Variants in MOB1A observed in about 807,000 individuals in gnomAD.
MOB1A encodes the protein MOB1 Mps One Binder homolog A.
Under a neutral mutation model 25.1 loss-of-function variants are expected in MOB1A, and 10 were observed. That is an observed-to-expected ratio of 0.40 (90% CI 0.25 to 0.68). MOB1A has a LOEUF of 0.68. Among genes scored for constraint, MOB1A ranks in the 30% least tolerant of loss-of-function variants. The pLI is 0.40. For missense variants in MOB1A, 177 were observed against 256.3 expected (o/e 0.69, Z 2.11); for synonymous variants, 81 against 79.5 (o/e 1.02, Z -0.10).
Position 74,158,988 on chromosome 2 carries a change from A to C in MOB1A, c.573+103T>G, listed in dbSNP as rs1421209781. 3.6e-6 allele frequency: 4 copies of C among 1,097,218 alleles called. No individual in the cohort carries two copies. In the Admixed American group the frequency reaches 9.0e-5, roughly 25 times the overall value. 68.0% of individuals were successfully genotyped at this position (1,097,218 alleles called of 1,614,324 possible). On this transcript the variant is annotated intron_variant, in intron 5 of 5. Transcript: ENST00000396049. The stretch of plus-strand genomic sequence containing the variant: ...AACAGAAAAGAGAAGCTTGCCTGTA[A>C]TTGGCTCTACATCTATAACTAAGAC...
intron 2 of MOB1A, among the ~76,000 whole-genome samples, chr2:74,170,940 C>T (rs773161144): frequency 6.6e-6 from 1 of 151,646 alleles, no homozygotes; most frequent in African/African-American, 2.4e-5. Context: ...CTCTTTGGAT[C>T]CTGATTTAAA....
chr2:74,157,789 G>A (rs1449661896), intron 5 of MOB1A, among the ~76,000 whole-genome samples: 1 of 152,106 alleles, frequency 6.6e-6, no homozygotes, highest in African/African-American at 2.4e-5. Context: ...TTTTTACAAT[G>A]GGAGACTTAT....
chr2:74,159,442 T>A (rs3762480), intron 4 of MOB1A, among the ~76,000 whole-genome samples, 188 bp from the exon 5 acceptor site: 1 of 151,816 alleles, frequency 6.6e-6, no homozygotes, highest in Non-Finnish European at 1.5e-5. Context: ...CACGCCACCA[T>A]GCCCAGCTAA....
At chr2:74,163,253 T>C (rs376242289) in intron 4 of MOB1A, among the ~76,000 whole-genome samples, 8 of 152,304 alleles carry the variant, frequency 5.3e-5, no homozygotes, top group East Asian at 1.9e-4. Flanking sequence ...TATCTTAATA[T>C]GACACAGTTG....
chr2:74,169,966 A>T (rs541766298), intron 2 of MOB1A, among the ~76,000 whole-genome samples: 1 of 151,934 alleles, frequency 6.6e-6, no homozygotes, highest in South Asian at 2.1e-4. Flanking sequence ...AATGGTACAT[A>T]TTTATGGGAA....
At chr2:74,167,422 G>T (rs1476289352) in intron 2 of MOB1A, among the ~76,000 whole-genome samples, 3 of 151,952 alleles carry the variant, frequency 2.0e-5, no homozygotes, top group Non-Finnish European at 2.9e-5. Context: ...ATTTTGTTTT[G>T]GTATTTTTAG....
In MOB1A at chr2:74,153,030, T is replaced by C. The variant is rs781729814; in HGVS notation, c.*3538A>G. ...ATAGGATGACCAAAGGACTACTATT[T>C]TACCTCTTTTCAGAACTCTACAATA... On this transcript the variant is annotated 3_prime_UTR_variant, in exon 6 of 6. Coordinates refer to ENST00000396049, the MANE Select transcript of MOB1A (RefSeq NM_018221.5). 1 of 152,214 alleles carries C rather than the reference T, an allele frequency of 6.6e-6. No homozygotes were observed. Among genetic ancestry groups the C allele is most frequent in the Non-Finnish European group, 1.5e-5 (1 of 68,036 alleles). 9.4% of individuals were successfully genotyped at this position (152,214 alleles called of 1,614,324 possible).
intron 3 of MOB1A, 41 bp downstream of exon 3, chr2:74,166,973 A>G (rs754961125): frequency 5.8e-6 from 8 of 1,387,660 alleles, no homozygotes; most frequent in Non-Finnish European, 8.1e-6. Context: ...GTGATAAAGT[A>G]AAACTAATCC....
chr2:74,178,727 A>G lies in MOB1A; in HGVS notation c.-53T>C, dbSNP rs563556740. ...GCCCCTGGCCCCCGCCTGGATCAGG[A>G]TTCGGAGCTGGCTAGAGGGAGCGGA... On this transcript the variant is annotated 5_prime_UTR_variant, in exon 1 of 6. Coordinates refer to ENST00000396049, the MANE Select transcript of MOB1A (RefSeq NM_018221.5). The G allele has an allele frequency of 2.1e-6, 2 of 966,262 alleles. No individual in the cohort carries two copies. The highest frequency in any genetic ancestry group is 1.3e-6 in the Non-Finnish European group (1 of 758,650). 59.9% of individuals were successfully genotyped at this position (966,262 alleles called of 1,614,324 possible). A position where few individuals can be genotyped will look rare whatever the true frequency, so the allele number is the denominator to read the frequency against.
intron 1 of MOB1A, 98 bp downstream of exon 1, chr2:74,178,563 G>A (rs1693545312): frequency 1.1e-6 from 1 of 879,764 alleles, no homozygotes; most frequent in Non-Finnish European, 1.6e-6. Flanking sequence ...CCCCGCCCCC[G>A]CCTCGGCCCC....
chr2:74,173,375 G>GTT (rs1693351638), intron 1 of MOB1A, among the ~76,000 whole-genome samples: 1 of 110,256 alleles, frequency 9.1e-6, no homozygotes, highest in Admixed American at 1.0e-4. Flanking sequence ...CCTCAATTTC[G>GTT]GTTTTTTTTT....
chr2:74,173,219 G>C, intron 1 of MOB1A: 1 of 517,802 alleles, frequency 1.9e-6, no homozygotes, highest in Non-Finnish European at 3.9e-6. Flanking sequence ...TCCCCTGCCT[G>C]TAAAAGCAAG....
chr2:74,163,339 T>TA (rs1693029821), intron 4 of MOB1A, among the ~76,000 whole-genome samples: 1 of 152,068 alleles, frequency 6.6e-6, no homozygotes. Flanking sequence ...AAAATTTAAA[T>TA]AAAAATCAAC....
chr2:74,159,342 C>A, intron 4 of MOB1A, 88 bp from the exon 5 acceptor site: 1 of 1,199,100 alleles, frequency 8.3e-7, no homozygotes, highest in Non-Finnish European at 1.2e-6. Context: ...CTTTGTCACT[C>A]AGGCAGTGGT....
chr2:74,167,380 G>C (rs550729372), intron 2 of MOB1A, among the ~76,000 whole-genome samples: 3 of 152,152 alleles, frequency 2.0e-5, no homozygotes, highest in Non-Finnish European at 4.4e-5. Flanking sequence ...CAAGTAGTTC[G>C]GATTACAGGT....
intron 4 of MOB1A, 117 bp downstream of exon 4, chr2:74,165,101 C>T (rs1260187374): frequency 5.8e-6 from 4 of 685,162 alleles, no homozygotes; most frequent in Non-Finnish European, 6.6e-6. Context: ...AGGAGGATCA[C>T]TTGAGGCCAG....
At chr2:74,163,586 T>C (rs1693037123) in intron 4 of MOB1A, among the ~76,000 whole-genome samples, 1 of 152,072 alleles carries the variant, frequency 6.6e-6, no homozygotes. Flanking sequence ...TGCAGAGAGC[T>C]GTGATCACAC....
chr2:74,172,583 T>C lies in MOB1A; in HGVS notation c.181+3A>G. ...AACAGCAAAGTTACATTTTAAAACT[T>C]ACTGTTCACAGCAATCCATTCATTG... On this transcript the variant is annotated splice_donor_region_variant and intron_variant, in intron 2 of 5. Transcript: ENST00000396049. The C allele has an allele frequency of 1.3e-6, 2 of 1,599,348 alleles. No individual in the cohort carries two copies. The highest frequency in any genetic ancestry group is 1.7e-6 in the Non-Finnish European group (2 of 1,175,888).
intron 2 of MOB1A, among the ~76,000 whole-genome samples, chr2:74,168,212 G>A (rs1485989528): frequency 2.6e-5 from 4 of 152,162 alleles, no homozygotes; most frequent in African/African-American, 9.7e-5. Flanking sequence ...ACAGAGAAAA[G>A]GCAAAGTCAT....
Sources: allele counts gnomAD v4.1 joint callset (sites outside exome capture counted in the v4.1 genomes callset), GRCh38; gene constraint gnomAD v4.1.1; transcripts MANE v1.5; gene names NCBI Gene and HGNC (gene_info 2026-07-23, HGNC 2026-07-21).